MTMR12: variants seen among roughly 807,000 people sequenced by gnomAD.
MTMR12 encodes the protein myotubularin-related protein 12.
Under a neutral mutation model 96.7 loss-of-function variants are expected in MTMR12, and 33 were observed. The ratio of observed to expected loss-of-function variants is 0.34; its 90% CI spans 0.26 to 0.46. The LOEUF (loss-of-function observed/expected upper bound fraction) is 0.46, where lower values mean the gene tolerates loss of function less well. Among genes scored for constraint, MTMR12 ranks in the 20% least tolerant of loss-of-function variants. The probability of loss-of-function intolerance (pLI) is 1.00; values close to 1 mark genes in which losing one functional copy is unlikely to be tolerated. For synonymous variants in MTMR12, 298 were observed against 327.2 expected (o/e 0.91, Z 0.96); for missense variants, 721 against 896.1 (o/e 0.80, Z 2.49).
chr5:32,294,221 T>C (rs1292015609), intron 1 of MTMR12, among the ~76,000 whole-genome samples: 1 of 152,060 alleles, frequency 6.6e-6, no homozygotes, highest in Non-Finnish European at 1.5e-5. Context: ...GTCAAAACTC[T>C]CTCCATCAGA....
chr5:32,231,442 C>A (rs546337488), intron 15 of MTMR12, among the ~76,000 whole-genome samples: 3 of 149,148 alleles, frequency 2.0e-5, no homozygotes, highest in Non-Finnish European at 4.4e-5. Flanking sequence ...CATGAGGGTT[C>A]CCCAGTGCCC....
At chr5:32,289,354 T>C (rs1023682098) in intron 1 of MTMR12, among the ~76,000 whole-genome samples, 2 of 152,140 alleles carry the variant, frequency 1.3e-5, no homozygotes, top group African/African-American at 2.4e-5. Flanking sequence ...ATTTCCAGAC[T>C]TGAGCCAGTT....
At chr5:32,262,144 G>T (rs1454787466) in intron 7 of MTMR12, among the ~76,000 whole-genome samples, 2 of 152,072 alleles carry the variant, frequency 1.3e-5, no homozygotes, top group African/African-American at 4.8e-5. Context: ...ATACACTGTT[G>T]GTAGGAATAT....
rs752327449 is a variant in MTMR12, at chr5:32,233,473, A to AACACACACACACAC, written c.1674+286_1674+299dup. 8.3e-5 allele frequency among the ~76,000 whole-genome samples: 5 copies of AACACACACACACAC among 59,932 alleles called. No homozygotes were observed. The highest frequency in any genetic ancestry group is 2.3e-4 in the African/African-American group (5 of 21,722). The allele number at this position is 59,932 out of a possible 152,430, so 39.3% of individuals were successfully genotyped here. A position where few individuals can be genotyped will look rare whatever the true frequency, so the allele number is the denominator to read the frequency against. ...CTCTACTAACACACACACACACACA[A>AACACACACACACAC]ACACACACACACACACACACACACA... On this transcript the variant is annotated intron_variant, in intron 15 of 15. Transcript: ENST00000382142. The surrounding 1 kb of genome is among the most constrained non-coding windows in gnomAD (Gnocchi z 5.0).
At chr5:32,234,785 T>G (rs933412426) in intron 14 of MTMR12, 177 bp downstream of exon 14, 2 of 537,834 alleles carry the variant, frequency 3.7e-6, no homozygotes, top group Non-Finnish European at 6.5e-6. Context: ...GAACGTCTCA[T>G]GAGTTTGCAT....
chr5:32,311,392 C>A (rs1175417163), intron 1 of MTMR12, among the ~76,000 whole-genome samples: 1 of 152,204 alleles, frequency 6.6e-6, no homozygotes, highest in Non-Finnish European at 1.5e-5. Flanking sequence ...TTTAAGAGCA[C>A]TTTCCCCTGG....
At chr5:32,290,840 G>A (rs56152941) in intron 1 of MTMR12, among the ~76,000 whole-genome samples, 6,557 of 152,264 alleles carry the variant, frequency 0.043, 482 homozygotes, top group African/African-American at 0.15. Context: ...TGCAGATAAC[G>A]ACTCTCCTTT....
chr5:32,238,907 A>G (rs1748345586), intron 13 of MTMR12, 94 bp downstream of exon 13: 1 of 1,317,532 alleles, frequency 7.6e-7, no homozygotes, highest in South Asian at 2.3e-5. Flanking sequence ...TACACTTTGC[A>G]AGCAGCAATC....
intron 5 of MTMR12, 148 bp downstream of exon 5, chr5:32,270,669 T>A (rs758666251): frequency 1.2e-6 from 1 of 838,034 alleles, no homozygotes; most frequent in Non-Finnish European, 1.8e-6. Context: ...ACTTTTCACG[T>A]TCTAATCAAA....
chr5:32,281,715 C>A (rs144134229), intron 1 of MTMR12, among the ~76,000 whole-genome samples: 1 of 151,832 alleles, frequency 6.6e-6, no homozygotes, highest in Non-Finnish European at 1.5e-5. Flanking sequence ...GCCTGACCAA[C>A]GTGCTGAAAC....
intron 1 of MTMR12, among the ~76,000 whole-genome samples, chr5:32,278,769 G>A (rs992449926): frequency 2.0e-5 from 3 of 152,114 alleles, no homozygotes; most frequent in Admixed American, 1.3e-4. Flanking sequence ...TAAAAGCTAC[G>A]ACTGTTTTGG....
chr5:32,237,215 G>A (rs758096878), intron 13 of MTMR12, among the ~76,000 whole-genome samples: 1 of 152,238 alleles, frequency 6.6e-6, no homozygotes. Context: ...GCTAGCATAC[G>A]TCAGCGCTGC....
intron 10 of MTMR12, 109 bp from the exon 11 acceptor site, chr5:32,243,708 A>G (rs1218293840): frequency 6.1e-6 from 4 of 655,824 alleles, no homozygotes; most frequent in Non-Finnish European, 1.1e-5. Flanking sequence ...GTCCTGACTC[A>G]AACTGCAGAA....
chr5:32,295,324 G>A (rs1183739277), intron 1 of MTMR12, among the ~76,000 whole-genome samples: 1 of 152,242 alleles, frequency 6.6e-6, no homozygotes, highest in Admixed American at 6.5e-5. Context: ...AGCCAGGGAG[G>A]CAGACATGCA....
At chr5:32,304,429 T>C (rs1200477269) in intron 1 of MTMR12, among the ~76,000 whole-genome samples, 1 of 152,202 alleles carries the variant, frequency 6.6e-6, no homozygotes, top group African/African-American at 2.4e-5. Context: ...GGTACCATCA[T>C]TGGCACTTTT....
rs193225396 is a variant in MTMR12, at chr5:32,247,631, G to A, written c.1021+371C>T. On this transcript the variant is annotated intron_variant, in intron 10 of 15. Coordinates refer to ENST00000382142, the MANE Select transcript of MTMR12 (RefSeq NM_001040446.3). Reference sequence around the variant, plus strand: ...TTTCCACTTTGGGAAAAAGTCTACAGAGGAAAACGAACATTATTCACTTTA... The same window carrying A: ...TTTCCACTTTGGGAAAAAGTCTACAAAGGAAAACGAACATTATTCACTTTA... The A allele has an allele frequency of 6.6e-4, 447 of 681,114 alleles. 3 individuals are homozygous for A. In the African/African-American group the frequency reaches 8.0e-3, roughly 12 times the overall value. 42.2% of individuals were successfully genotyped at this position (681,114 alleles called of 1,614,324 possible).
chr5:32,312,907 G>T lies in MTMR12; in HGVS notation c.-69C>A. The T allele has an allele frequency of 7.1e-7, 1 of 1,402,764 alleles. No homozygotes were observed. The highest frequency in any genetic ancestry group is 9.4e-7 in the Non-Finnish European group (1 of 1,066,616). 86.9% of individuals were successfully genotyped at this position (1,402,764 alleles called of 1,614,324 possible). A position where few individuals can be genotyped will look rare whatever the true frequency, so the allele number is the denominator to read the frequency against. ...GGCTCGGGCTCCAGCTGGGGCAGCA[G>T]CGGCGGCCACCAGCACTAGCGGCTG... On this transcript the variant is annotated 5_prime_UTR_variant, in exon 1 of 16. It adds an upstream start codon to the 5' untranslated region. Transcript: ENST00000382142. This position sits in a 1 kb window ranked among gnomAD's most constrained non-coding sequence, Gnocchi z 5.0.
rs544438444 is a variant in MTMR12 at position 32,311,576 on chromosome 5, G to A, written c.81+1182C>T. Among the ~76,000 whole-genome samples, 6 of 152,322 alleles carry A rather than the reference G, an allele frequency of 3.9e-5. No homozygotes were observed. The Middle Eastern group carries it at 0.01, about 259-fold the overall frequency. ...TTGGCGGTGCTTCTGCACTTCTGCT[G>A]GAGAGAAGGGCAGAAAAAAACCTTT... On this transcript the variant is annotated intron_variant, in intron 1 of 15. Coordinates refer to ENST00000382142, the MANE Select transcript of MTMR12 (RefSeq NM_001040446.3).
chr5:32,233,473 A>AACACACACACAC lies in MTMR12; in HGVS notation c.1674+288_1674+299dup, dbSNP rs752327449. ...CTCTACTAACACACACACACACACA[A>AACACACACACAC]ACACACACACACACACACACACACA... On this transcript the variant is annotated intron_variant, in intron 15 of 15. Coordinates refer to ENST00000382142, the MANE Select transcript of MTMR12 (RefSeq NM_001040446.3). This position sits in a 1 kb window ranked among gnomAD's most constrained non-coding sequence, Gnocchi z 5.0. Among the ~76,000 whole-genome samples the AACACACACACAC allele has an allele frequency of 1.7e-4, 10 of 59,930 alleles. No homozygotes were observed. Among genetic ancestry groups the AACACACACACAC allele is most frequent in the African/African-American group, 4.1e-4 (9 of 21,722 alleles). The allele number at this position is 59,930 out of a possible 152,430, so 39.3% of individuals were successfully genotyped here.
Sources: allele counts gnomAD v4.1 joint callset (sites outside exome capture counted in the v4.1 genomes callset), GRCh38; gene constraint gnomAD v4.1.1; non-coding constraint Gnocchi (gnomAD v3.1); transcripts MANE v1.5; gene names NCBI Gene and HGNC (gene_info 2026-07-23, HGNC 2026-07-21).